KHDRBS2: variants seen among roughly 807,000 people sequenced by gnomAD.
KHDRBS2 encodes the protein KH RNA binding domain containing, signal transduction associated 2.
KHDRBS2 carries 26 observed loss-of-function variants against 44.3 expected under a neutral mutation model. That is an observed-to-expected ratio of 0.59 (90% CI 0.43 to 0.81). KHDRBS2 has a LOEUF of 0.81. Among genes scored for constraint, KHDRBS2 ranks in the 40% least tolerant of loss-of-function variants. The pLI is 0.00. For missense variants in KHDRBS2, 476 were observed against 433.1 expected (o/e 1.10, Z -0.88); for synonymous variants, 194 against 151.1 (o/e 1.28, Z -2.08).
chr6:62,207,209 G>A (rs1340418633), intron 1 of KHDRBS2, among the ~76,000 whole-genome samples: 8 of 151,938 alleles, frequency 5.3e-5, no homozygotes. Context: ...GAGGAAAAAA[G>A]TGTAAAGATT....
chr6:62,119,864 A>C (rs567110416), intron 2 of KHDRBS2, among the ~76,000 whole-genome samples: 340 of 152,208 alleles, frequency 2.2e-3, no homozygotes, highest in African/African-American at 7.8e-3. Flanking sequence ...AACTACCCCC[A>C]ACACCCCTGT....
chr6:61,604,608 T>C, the KHDRBS2 span, among the ~76,000 whole-genome samples: 1 of 152,186 alleles, frequency 6.6e-6, no homozygotes, highest in South Asian at 2.1e-4. Flanking sequence ...TGGAAATCTA[T>C]CCTCAAGGAA....
At chr6:61,622,954 T>C in the KHDRBS2 span, among the ~76,000 whole-genome samples, 2 of 152,064 alleles carry the variant, frequency 1.3e-5, no homozygotes, top group African/African-American at 4.8e-5. Context: ...TTTGGAGGTG[T>C]TTGATTGCCT....
intron 7 of KHDRBS2, among the ~76,000 whole-genome samples, chr6:61,721,182 C>G (rs1272009043): frequency 1.3e-5 from 2 of 152,038 alleles, no homozygotes; most frequent in Non-Finnish European, 2.9e-5. Flanking sequence ...GTTACTGTAG[C>G]CTTGTAGTAT....
chr6:61,568,810 G>A, the KHDRBS2 span, among the ~76,000 whole-genome samples: 2 of 152,210 alleles, frequency 1.3e-5, no homozygotes, highest in African/African-American at 4.8e-5. Context: ...CTCTCACAGG[G>A]GCCCTCAGGG....
intron 1 of KHDRBS2, among the ~76,000 whole-genome samples, chr6:62,201,209 A>G (rs1481749343): frequency 6.6e-6 from 1 of 152,024 alleles, no homozygotes; most frequent in Non-Finnish European, 1.5e-5. Context: ...TGTTGTGCAC[A>G]TGTACCCTAA....
At chr6:62,249,036 T>C (rs1836093164) in intron 1 of KHDRBS2, among the ~76,000 whole-genome samples, 1 of 152,104 alleles carries the variant, frequency 6.6e-6, no homozygotes, top group Non-Finnish European at 1.5e-5. Flanking sequence ...AAAATGTCTG[T>C]GGAAAAGTAA....
intron 1 of KHDRBS2, among the ~76,000 whole-genome samples, chr6:62,196,164 C>G (rs1204509767): frequency 6.6e-6 from 1 of 152,142 alleles, no homozygotes; most frequent in Admixed American, 6.6e-5. Context: ...CCTGTATAGA[C>G]TAACTTCTAA....
intron 8 of KHDRBS2, among the ~76,000 whole-genome samples, chr6:61,694,300 G>A (rs1414023966): frequency 1.3e-5 from 2 of 152,068 alleles, no homozygotes; most frequent in African/African-American, 2.4e-5. Context: ...TTCTCTAAAC[G>A]TGTATAAAAT....
At chr6:62,097,640 G>A (rs1476439151) in intron 2 of KHDRBS2, among the ~76,000 whole-genome samples, 1 of 151,916 alleles carries the variant, frequency 6.6e-6, no homozygotes, top group Non-Finnish European at 1.5e-5. Context: ...TGAGTTTCTT[G>A]TATATATTTG....
intron 2 of KHDRBS2, among the ~76,000 whole-genome samples, chr6:62,122,017 C>T (rs1807774824): frequency 6.6e-6 from 1 of 151,948 alleles, no homozygotes; most frequent in Admixed American, 6.6e-5. Context: ...GCAACATATT[C>T]TTCATTTGGG....
intron 2 of KHDRBS2, among the ~76,000 whole-genome samples, chr6:62,106,789 T>C (rs1343685602): frequency 2.6e-5 from 4 of 152,186 alleles, no homozygotes; most frequent in Non-Finnish European, 4.4e-5. Flanking sequence ...TGGTTCAGTA[T>C]ACACAAATCA....
the KHDRBS2 span, among the ~76,000 whole-genome samples, chr6:61,660,669 C>T: frequency 6.6e-6 from 1 of 151,660 alleles, no homozygotes; most frequent in Non-Finnish European, 1.5e-5. Context: ...TAATTATAGT[C>T]CTATTCTACT....
chr6:62,239,819 G>A (rs1834305306), intron 1 of KHDRBS2, among the ~76,000 whole-genome samples: 1 of 151,880 alleles, frequency 6.6e-6, no homozygotes, highest in African/African-American at 2.4e-5. Flanking sequence ...CTGAGTAGCT[G>A]GGATTACAGG....
chr6:62,131,864 T>A (rs1214874920), intron 2 of KHDRBS2, among the ~76,000 whole-genome samples: 4 of 152,172 alleles, frequency 2.6e-5, no homozygotes, highest in Non-Finnish European at 5.9e-5. Context: ...CAATGAATGG[T>A]TTATACTTTT....
At chr6:62,036,120 T>G (rs1785232601) in intron 3 of KHDRBS2, among the ~76,000 whole-genome samples, 1 of 151,952 alleles carries the variant, frequency 6.6e-6, no homozygotes, top group African/African-American at 2.4e-5. Flanking sequence ...ATCTAGTTTC[T>G]CTGCTTGTAC....
chr6:62,076,029 G>T (rs1383814594), intron 2 of KHDRBS2, among the ~76,000 whole-genome samples: 2 of 151,668 alleles, frequency 1.3e-5, no homozygotes, highest in Admixed American at 6.6e-5. Flanking sequence ...GTTTGAATAT[G>T]GGGCAGGGGA....
At chr6:61,687,632 C>A (rs1766962532) in intron 8 of KHDRBS2, among the ~76,000 whole-genome samples, 1 of 151,826 alleles carries the variant, frequency 6.6e-6, no homozygotes, top group South Asian at 2.1e-4. Context: ...CATTTTTTAA[C>A]TTTTCTGTAT....
chr6:62,089,030 A>C (rs1166525332), intron 2 of KHDRBS2, among the ~76,000 whole-genome samples: 2 of 151,956 alleles, frequency 1.3e-5, no homozygotes, highest in African/African-American at 2.4e-5. Context: ...TGAGGGGAAA[A>C]CCACCTACTC....
Sources: gnomAD v4.1 joint callset for allele counts (sites outside exome capture counted in the v4.1 genomes callset) on GRCh38, gnomAD v4.1.1 for gene constraint, MANE v1.5 for transcripts, NCBI Gene and HGNC (gene_info 2026-07-23, HGNC 2026-07-21) for gene names.